The following MCTP1 variants were observed in gnomAD, a reference collection of about 807,000 sequenced individuals.
MCTP1 encodes the protein multiple C2 and transmembrane domain containing 1, also known as multiple C2 and transmembrane domain-containing protein 1.
MCTP1 carries 69 observed loss-of-function variants against 120.6 expected under a neutral mutation model. That is an observed-to-expected ratio of 0.57 (90% confidence interval 0.47 to 0.70). The LOEUF (loss-of-function observed/expected upper bound fraction) is 0.70, where lower values mean the gene tolerates loss of function less well. Ranked by LOEUF, MCTP1 falls within the 30% of genes least tolerant of loss-of-function variation. The probability of loss-of-function intolerance (pLI) is 0.00; values close to 1 mark genes in which losing one functional copy is unlikely to be tolerated. For missense variants in MCTP1, 1,203 were observed against 1,248.8 expected, an observed-to-expected ratio of 0.96 and a Z score of 0.55; for synonymous variants, 529 against 493.1, an observed-to-expected ratio of 1.07 and a Z score of -0.96.
chr5:94,956,813 G>A (rs1483986944), intron 2 of MCTP1, among the ~76,000 whole-genome samples: 3 of 152,168 alleles, frequency 2.0e-5, no homozygotes, highest in Non-Finnish European at 4.4e-5. Context: ...TGAAAGTGAA[G>A]GGGAGAATGG....
intron 1 of MCTP1, among the ~76,000 whole-genome samples, chr5:95,036,413 T>C (rs1351782334): frequency 6.6e-6 from 1 of 152,168 alleles, no homozygotes; most frequent in East Asian, 1.9e-4. Context: ...TGGATTTACG[T>C]CTACAAAACA....
At chr5:95,271,219 A>G (rs371946143) in intron 1 of MCTP1, among the ~76,000 whole-genome samples, 2 of 152,318 alleles carry the variant, frequency 1.3e-5, no homozygotes, top group East Asian at 3.9e-4. Flanking sequence ...AAAGTAATAA[A>G]ATAGTGTAAG....
chr5:94,983,463 C>G (rs1829854641), intron 2 of MCTP1, among the ~76,000 whole-genome samples: 2 of 152,124 alleles, frequency 1.3e-5, no homozygotes, highest in Non-Finnish European at 2.9e-5. Flanking sequence ...TAAATGGTAT[C>G]AGTGTATTGG....
chr5:94,737,805 T>C (rs1764608925), intron 19 of MCTP1, among the ~76,000 whole-genome samples: 1 of 152,136 alleles, frequency 6.6e-6, no homozygotes, highest in Admixed American at 6.6e-5. Context: ...GCCTCCCAAA[T>C]AGCTGGGAGT....
intron 19 of MCTP1, among the ~76,000 whole-genome samples, chr5:94,760,956 A>T (rs1771200642): frequency 1.3e-5 from 2 of 152,206 alleles, no homozygotes; most frequent in South Asian, 4.1e-4. Flanking sequence ...AAGTGCTGAG[A>T]TTACAGATGT....
rs559875377 is a variant in MCTP1 at position 95,137,733 on chromosome 5, T to C, written c.721-120249A>G. On this transcript the variant is annotated intron_variant, in intron 1 of 22. Coordinates refer to ENST00000515393, the MANE Select transcript of MCTP1 (RefSeq NM_024717.7). ...TGATTGTCTATTAGTATATACATTA[T>C]TGTAAGCTGCTTCAAATATTTGTGG... Among the ~76,000 whole-genome samples, 4 of 152,304 alleles carry C rather than the reference T, an allele frequency of 2.6e-5. No homozygotes were observed. In the East Asian group the frequency reaches 7.7e-4, roughly 29 times the overall value.
At chr5:94,795,010 A>G (rs1403999800) in intron 18 of MCTP1, among the ~76,000 whole-genome samples, 2 of 152,102 alleles carry the variant, frequency 1.3e-5, no homozygotes, top group Non-Finnish European at 2.9e-5. Flanking sequence ...CTGTGTTCTA[A>G]TACTGGCTCT....
chr5:94,771,293 T>C (rs1172411518), intron 19 of MCTP1, among the ~76,000 whole-genome samples: 1 of 152,164 alleles, frequency 6.6e-6, no homozygotes, highest in African/African-American at 2.4e-5. Flanking sequence ...TGTGCATGTT[T>C]TGTGTCCTCT....
chr5:94,768,425 G>T (rs997422030), intron 19 of MCTP1, among the ~76,000 whole-genome samples: 6 of 152,094 alleles, frequency 3.9e-5, no homozygotes, highest in African/African-American at 1.4e-4. Flanking sequence ...AGACTAAACA[G>T]CTTCTGCACA....
chr5:95,070,799 C>T (rs894252392), intron 1 of MCTP1, among the ~76,000 whole-genome samples: 2 of 152,160 alleles, frequency 1.3e-5, no homozygotes, highest in African/African-American at 2.4e-5. Context: ...AGAGGGATTG[C>T]AGAGGTAGGA....
At chr5:95,151,137 A>T (rs1235923421) in intron 1 of MCTP1, among the ~76,000 whole-genome samples, 1 of 143,126 alleles carries the variant, frequency 7.0e-6, no homozygotes, top group Non-Finnish European at 1.5e-5. Context: ...GCTCATATAT[A>T]TATATATATA....
chr5:95,048,137 AT>A (rs1745025456), intron 1 of MCTP1, among the ~76,000 whole-genome samples: 1 of 152,178 alleles, frequency 6.6e-6, no homozygotes, highest in South Asian at 2.1e-4. Flanking sequence ...AAGGAATATA[AT>A]TTGTTGCTTT....
At chr5:95,022,289 C>G (rs1443754919) in intron 1 of MCTP1, among the ~76,000 whole-genome samples, 1 of 152,172 alleles carries the variant, frequency 6.6e-6, no homozygotes, top group East Asian at 1.9e-4. Flanking sequence ...GCCTTCACTT[C>G]TCTTCCACAA....
intron 1 of MCTP1, among the ~76,000 whole-genome samples, chr5:95,074,045 G>T (rs1049253133): frequency 1.3e-5 from 2 of 152,190 alleles, no homozygotes; most frequent in African/African-American, 4.8e-5. Flanking sequence ...GAACCTGGGA[G>T]GTGGAGGTTG....
intron 18 of MCTP1, among the ~76,000 whole-genome samples, chr5:94,782,430 G>A (rs771472161): frequency 2.6e-5 from 4 of 152,092 alleles, no homozygotes; most frequent in Non-Finnish European, 4.4e-5. Flanking sequence ...CCAGTGAAAT[G>A]GATGGCTTTG....
intron 1 of MCTP1, among the ~76,000 whole-genome samples, chr5:95,223,915 A>T (rs1017401128): frequency 6.6e-6 from 1 of 152,212 alleles, no homozygotes; most frequent in African/African-American, 2.4e-5. Flanking sequence ...CATACCAAAC[A>T]TTTATGATCA....
intron 1 of MCTP1, among the ~76,000 whole-genome samples, chr5:95,065,867 G>A (rs573172908): frequency 6.6e-6 from 1 of 152,200 alleles, no homozygotes; most frequent in Non-Finnish European, 1.5e-5. Flanking sequence ...AACTGAAAAT[G>A]GATTAAAGTC....
intron 17 of MCTP1, among the ~76,000 whole-genome samples, chr5:94,816,680 G>A (rs1036854702): frequency 4.3e-4 from 65 of 151,908 alleles, no homozygotes; most frequent in African/African-American, 1.5e-3. Flanking sequence ...TGAGTTTAGG[G>A]TAAGGCAAAC....
At chr5:95,261,347 C>G (rs1025388280) in intron 1 of MCTP1, among the ~76,000 whole-genome samples, 2 of 152,056 alleles carry the variant, frequency 1.3e-5, no homozygotes, top group South Asian at 4.2e-4. Flanking sequence ...TTTTCTGCAG[C>G]ACTTGAATCT....
Sources: gnomAD v4.1 joint callset for allele counts (sites outside exome capture counted in the v4.1 genomes callset) on GRCh38, gnomAD v4.1.1 for gene constraint, MANE v1.5 for transcripts, NCBI Gene and HGNC (gene_info 2026-07-23, HGNC 2026-07-21) for gene names.